Variants in ZMAT4 observed in about 807,000 individuals in gnomAD.
The protein encoded by ZMAT4 is zinc finger matrin-type 4.
A neutral mutation model predicts 28.7 loss-of-function variants in ZMAT4; 17 were observed. The observed-to-expected ratio is 0.59, with a 90% confidence interval of 0.41 to 0.89. The LOEUF (loss-of-function observed/expected upper bound fraction) is 0.89, where lower values mean the gene tolerates loss of function less well. Among genes scored for constraint, ZMAT4 ranks in the 40% least tolerant of loss-of-function variants. The pLI, the probability that ZMAT4 is intolerant of heterozygous loss-of-function variation, is 0.00. For missense variants in ZMAT4, 240 were observed against 283.8 expected, an observed-to-expected ratio of 0.85 and a Z score of 1.11; for synonymous variants, 117 against 109.2, an observed-to-expected ratio of 1.07 and a Z score of -0.44.
At chr8:40,813,636 T>C (rs1284784863) in intron 2 of ZMAT4, among the ~76,000 whole-genome samples, 2 of 152,248 alleles carry the variant, frequency 1.3e-5, no homozygotes, top group African/African-American at 2.4e-5. Flanking sequence ...ACACGGGAGC[T>C]GGCTTTAGGG....
intron 3 of ZMAT4, among the ~76,000 whole-genome samples, chr8:40,725,590 T>A (rs540007441): frequency 6.6e-6 from 1 of 152,292 alleles, no homozygotes; most frequent in East Asian, 1.9e-4. Context: ...CACAGAGGAA[T>A]CAAGTGATTC....
At chr8:40,649,754 A>T (rs560240823) in intron 5 of ZMAT4, among the ~76,000 whole-genome samples, 4 of 152,102 alleles carry the variant, frequency 2.6e-5, no homozygotes, top group African/African-American at 9.7e-5. Context: ...TCAAACTAGA[A>T]CTCAGGATTA....
At chr8:40,694,825 A>C (rs1286696738) in intron 4 of ZMAT4, among the ~76,000 whole-genome samples, 1 of 152,074 alleles carries the variant, frequency 6.6e-6, no homozygotes, top group Non-Finnish European at 1.5e-5. Context: ...CAGCCATAAA[A>C]CCTAAAAACT....
chr8:40,738,137 C>A (rs530720702), intron 3 of ZMAT4, among the ~76,000 whole-genome samples: 5 of 152,160 alleles, frequency 3.3e-5, no homozygotes, highest in African/African-American at 4.8e-5. Flanking sequence ...GTAGGAGGTT[C>A]TGACTAGAAG....
At chr8:40,628,305 A>G (rs1806448526) in intron 5 of ZMAT4, among the ~76,000 whole-genome samples, 2 of 152,222 alleles carry the variant, frequency 1.3e-5, no homozygotes, top group Non-Finnish European at 2.9e-5. Flanking sequence ...ATATGGATCA[A>G]AGGACTAAAA....
intron 5 of ZMAT4, among the ~76,000 whole-genome samples, chr8:40,648,188 A>G (rs1167344500): frequency 6.6e-6 from 1 of 152,188 alleles, no homozygotes; most frequent in Non-Finnish European, 1.5e-5. Flanking sequence ...AAAATTTAGA[A>G]GAACGTATAA....
chr8:40,651,609 C>T (rs1269694770), intron 5 of ZMAT4, among the ~76,000 whole-genome samples: 9 of 148,494 alleles, frequency 6.1e-5, no homozygotes, highest in African/African-American at 1.7e-4. Flanking sequence ...AAAAAGAGCC[C>T]GCATCGCCAA....
chr8:40,573,780 G>A (rs1451158678), intron 6 of ZMAT4, among the ~76,000 whole-genome samples: 1 of 152,096 alleles, frequency 6.6e-6, no homozygotes, highest in Non-Finnish European at 1.5e-5. Flanking sequence ...CATGGAAAGT[G>A]GACCCATATT....
chr8:40,748,743 A>ATT (rs77260583), intron 3 of ZMAT4, among the ~76,000 whole-genome samples: 1 of 151,238 alleles, frequency 6.6e-6, no homozygotes, highest in Admixed American at 6.6e-5. Context: ...TAGGGCTTTT[A>ATT]TTTTTTTTTA....
At chr8:40,764,563 G>A (rs976123114) in intron 3 of ZMAT4, among the ~76,000 whole-genome samples, 12 of 152,196 alleles carry the variant, frequency 7.9e-5, no homozygotes, top group Non-Finnish European at 1.2e-4. Context: ...AAAGCCATAC[G>A]CTGGGGGTAT....
At chr8:40,879,784 T>C (rs1013654277) in intron 1 of ZMAT4, among the ~76,000 whole-genome samples, 1 of 152,244 alleles carries the variant, frequency 6.6e-6, no homozygotes, top group Non-Finnish European at 1.5e-5. Flanking sequence ...TTTATTTACA[T>C]TTATGCACAT....
chr8:40,875,272 G>T (rs1260307361), intron 1 of ZMAT4, among the ~76,000 whole-genome samples: 1 of 152,122 alleles, frequency 6.6e-6, no homozygotes, highest in Admixed American at 6.5e-5. Context: ...GTCCAGATGT[G>T]TGTGCTCAAA....
In ZMAT4 at chr8:40,763,332, C is replaced by G. The variant is rs115297928; in HGVS notation, c.192+4309G>C. Among the ~76,000 whole-genome samples the G allele has an allele frequency of 5.5e-3, 836 of 152,286 alleles. 8 individuals carry two copies. Among genetic ancestry groups the G allele is most frequent in the African/African-American group, 0.019 (804 of 41,558 alleles). ...TTGTTTTCTACTTTTCCAGCCATGTCTCTGTCAAGTACTAGCTGGGTGATC... is the reference window on the plus strand; with the variant it reads ...TTGTTTTCTACTTTTCCAGCCATGTGTCTGTCAAGTACTAGCTGGGTGATC... On this transcript the variant is annotated intron_variant, in intron 3 of 6. Coordinates refer to ENST00000297737, the MANE Select transcript of ZMAT4 (RefSeq NM_024645.3).
intron 3 of ZMAT4, among the ~76,000 whole-genome samples, chr8:40,700,406 CTTTTCT>C (rs1810086747): frequency 8.2e-5 from 5 of 60,764 alleles, no homozygotes; most frequent in East Asian, 6.3e-4. Flanking sequence ...GAAGCTGCTG[CTTTTCT>C]TTTTTTTTTT....
chr8:40,547,567 A>G (rs1803244172), intron 6 of ZMAT4, among the ~76,000 whole-genome samples: 1 of 110,058 alleles, frequency 9.1e-6, no homozygotes, highest in African/African-American at 4.0e-5. Context: ...TTACACATGA[A>G]TGGGAATGTT....
intron 2 of ZMAT4, among the ~76,000 whole-genome samples, chr8:40,791,586 C>T (rs866180108): frequency 7.2e-5 from 11 of 152,194 alleles, no homozygotes; most frequent in Non-Finnish European, 1.3e-4. Flanking sequence ...TCATGTAGTT[C>T]CCCACACCCA....
chr8:40,590,870 C>T (rs968226186), intron 5 of ZMAT4, among the ~76,000 whole-genome samples: 1 of 151,978 alleles, frequency 6.6e-6, no homozygotes, highest in African/African-American at 2.4e-5. Flanking sequence ...AACGTTTGTC[C>T]CCATTAGGTT....
At chr8:40,725,063 C>G (rs1178092034) in intron 3 of ZMAT4, among the ~76,000 whole-genome samples, 1 of 152,172 alleles carries the variant, frequency 6.6e-6, no homozygotes, top group Non-Finnish European at 1.5e-5. Context: ...AACCACTTTG[C>G]TATGGAACGC....
chr8:40,896,973 CTTTTTTT>C (rs34824153), intron 1 of ZMAT4, among the ~76,000 whole-genome samples: 3 of 139,272 alleles, frequency 2.2e-5, no homozygotes, highest in Non-Finnish European at 4.7e-5. Context: ...TTGGCTTTTT[CTTTTTTT>C]TTTTTTTTCA....
Sources: gnomAD v4.1 joint callset for allele counts (sites outside exome capture counted in the v4.1 genomes callset) on GRCh38, gnomAD v4.1.1 for gene constraint, MANE v1.5 for transcripts, NCBI Gene and HGNC (gene_info 2026-07-23, HGNC 2026-07-21) for gene names.